Variants in GPC5 observed in about 807,000 individuals in gnomAD.
GPC5 encodes the protein glypican 5.
GPC5 carries 47 observed loss-of-function variants against 53.9 expected under a neutral mutation model. That is an observed-to-expected ratio of 0.87 (90% CI 0.69 to 1.11). GPC5 has a LOEUF of 1.11. Ranked by LOEUF, GPC5 falls within the 50% of genes most tolerant of loss-of-function variation. GPC5 has a pLI of 0.00. For missense variants in GPC5, 748 were observed against 713.1 expected (o/e 1.05, Z -0.56); for synonymous variants, 286 against 263.3 (o/e 1.09, Z -0.84).
chr13:91,626,797 CT>C (rs1177915045), intron 2 of GPC5, among the ~76,000 whole-genome samples: 1 of 151,966 alleles, frequency 6.6e-6, no homozygotes, highest in Non-Finnish European at 1.5e-5. Context: ...TTAGGTATAT[CT>C]CCTAATGCTA....
intron 6 of GPC5, among the ~76,000 whole-genome samples, chr13:91,976,009 A>G (rs1305942170): frequency 6.6e-6 from 1 of 152,190 alleles, no homozygotes; most frequent in African/African-American, 2.4e-5. Flanking sequence ...TTCTCAGCCA[A>G]CTATTGCAAG....
At chr13:92,147,193 C>A (rs2041873948) in intron 7 of GPC5, among the ~76,000 whole-genome samples, 1 of 151,722 alleles carries the variant, frequency 6.6e-6, no homozygotes, top group Admixed American at 6.6e-5. Flanking sequence ...TCACTAGAAA[C>A]AATTTTTTTT....
chr13:92,350,788 AT>A (rs1355251015), intron 7 of GPC5, among the ~76,000 whole-genome samples: 1 of 152,178 alleles, frequency 6.6e-6, no homozygotes, highest in East Asian at 1.9e-4. Context: ...TACTCCATAA[AT>A]ATATGTTATA....
rs537379559 is a variant in GPC5 at position 92,074,665 on chromosome 13, T to C, written c.1402-70165T>C. ...TGAATTATTGAGTATCGTGAGACAA[T>C]GACCCATCTTAAGAAGTTCTAAGGA... On this transcript the variant is annotated intron_variant, in intron 6 of 7. Coordinates refer to ENST00000377067, the MANE Select transcript of GPC5 (RefSeq NM_004466.6). Among the ~76,000 whole-genome samples the C allele has an allele frequency of 2.6e-5, 4 of 152,306 alleles. No homozygotes were observed. The South Asian group carries it at 8.3e-4, about 32-fold the overall frequency.
At chr13:92,841,098 T>C (rs559114436) in intron 7 of GPC5, among the ~76,000 whole-genome samples, 1 of 152,242 alleles carries the variant, frequency 6.6e-6, no homozygotes, top group South Asian at 2.1e-4. Context: ...ATATGCCCTT[T>C]TACTCTGGCC....
At chr13:92,308,058 CATT>C (rs2043122450) in intron 7 of GPC5, among the ~76,000 whole-genome samples, 2 of 152,094 alleles carry the variant, frequency 1.3e-5, no homozygotes, top group Non-Finnish European at 2.9e-5. Context: ...TCAAGGTAAT[CATT>C]ATGTGTTCCA....
chr13:92,752,708 T>G (rs1175781190), intron 7 of GPC5, among the ~76,000 whole-genome samples: 1 of 152,070 alleles, frequency 6.6e-6, no homozygotes, highest in Non-Finnish European at 1.5e-5. Context: ...TTCCCTTTCC[T>G]AGTCAAAGAA....
intron 6 of GPC5, among the ~76,000 whole-genome samples, chr13:92,119,400 T>G (rs1308054099): frequency 1.6e-5 from 2 of 125,928 alleles, no homozygotes; most frequent in East Asian, 2.2e-4. Flanking sequence ...GTTTTTTTTT[T>G]TTTTTTTTTT....
At chr13:91,596,450 A>G (rs78069266) in intron 2 of GPC5, among the ~76,000 whole-genome samples, 5,660 of 152,322 alleles carry the variant, frequency 0.037, 351 homozygotes, top group African/African-American at 0.13. Flanking sequence ...ATTATAATAC[A>G]CTGTCAATTC....
intron 2 of GPC5, among the ~76,000 whole-genome samples, chr13:91,502,675 G>A (rs1884707824): frequency 6.6e-6 from 1 of 152,110 alleles, no homozygotes; most frequent in Non-Finnish European, 1.5e-5. Flanking sequence ...TAAATGCTAG[G>A]ACCACCCTGA....
At chr13:92,311,384 T>C (rs2043143958) in intron 7 of GPC5, among the ~76,000 whole-genome samples, 1 of 152,150 alleles carries the variant, frequency 6.6e-6, no homozygotes, top group African/African-American at 2.4e-5. Flanking sequence ...ATTTAACAAC[T>C]ACATACATTA....
intron 7 of GPC5, among the ~76,000 whole-genome samples, chr13:92,316,686 C>T (rs1359453764): frequency 2.0e-5 from 3 of 152,002 alleles, no homozygotes; most frequent in African/African-American, 7.2e-5. Context: ...CTAAGAATTT[C>T]ATTGCATTTA....
intron 7 of GPC5, among the ~76,000 whole-genome samples, chr13:92,331,063 G>A (rs749227049): frequency 1.3e-5 from 2 of 152,070 alleles, no homozygotes; most frequent in African/African-American, 4.8e-5. Flanking sequence ...ACAAGAAAAG[G>A]TCTAAATAGA....
chr13:92,520,901 T>C (rs540058312), intron 7 of GPC5, among the ~76,000 whole-genome samples: 20 of 152,102 alleles, frequency 1.3e-4, no homozygotes, highest in East Asian at 9.7e-4. Flanking sequence ...CAACCCAAAA[T>C]CTCCTTAAGC....
chr13:92,307,117 C>T (rs1178135206), intron 7 of GPC5, among the ~76,000 whole-genome samples: 1 of 152,156 alleles, frequency 6.6e-6, no homozygotes, highest in Non-Finnish European at 1.5e-5. Flanking sequence ...TTTCATTGTG[C>T]CTCATTTTGA....
intron 7 of GPC5, among the ~76,000 whole-genome samples, chr13:92,648,190 T>A (rs1402884453): frequency 6.6e-6 from 1 of 152,122 alleles, no homozygotes; most frequent in Admixed American, 6.6e-5. Context: ...GAAGTTACTT[T>A]GCTTTGTGAT....
At chr13:92,163,745 G>T (rs1421918081) in intron 7 of GPC5, among the ~76,000 whole-genome samples, 1 of 151,980 alleles carries the variant, frequency 6.6e-6, no homozygotes, top group Non-Finnish European at 1.5e-5. Context: ...CTATTTCAAA[G>T]ATGAAGTTTG....
intron 6 of GPC5, among the ~76,000 whole-genome samples, chr13:91,956,604 G>T (rs1279054658): frequency 1.3e-5 from 2 of 152,024 alleles, no homozygotes; most frequent in African/African-American, 4.8e-5. Flanking sequence ...TTCCACCACT[G>T]GGGCCTGGAG....
intron 5 of GPC5, among the ~76,000 whole-genome samples, chr13:91,874,531 ATGCCCATATATTT>A (rs1234790051): frequency 3.9e-5 from 6 of 152,182 alleles, no homozygotes; most frequent in Non-Finnish European, 8.8e-5. Flanking sequence ...ATGAACATCT[ATGCCCATATATTT>A]TGACTACCCT....
Sources: gnomAD v4.1 joint callset for allele counts (sites outside exome capture counted in the v4.1 genomes callset) on GRCh38, gnomAD v4.1.1 for gene constraint, MANE v1.5 for transcripts, NCBI Gene and HGNC (gene_info 2026-07-23, HGNC 2026-07-21) for gene names.